The following RNF6 variants were observed in gnomAD, a reference collection of about 807,000 sequenced individuals.
RNF6 encodes the protein E3 ubiquitin-protein ligase RNF6.
In RNF6, 21 loss-of-function variants were observed where a neutral mutation model predicts 50.1. That is an observed-to-expected ratio of 0.42 (90% confidence interval 0.30 to 0.60). The LOEUF (loss-of-function observed/expected upper bound fraction) is 0.60. Ranked by LOEUF, RNF6 falls within the 20% of genes least tolerant of loss-of-function variation. The probability of loss-of-function intolerance (pLI) is 0.20; values close to 1 mark genes in which losing one functional copy is unlikely to be tolerated. For synonymous variants in RNF6, 255 were observed against 291.8 expected (o/e 0.87, Z 1.29); for missense variants, 698 against 838.2 (o/e 0.83, Z 2.07).
chr13:26,148,648 A>C (rs1401499657), intron 5 of RNF6, among the ~76,000 whole-genome samples: 42 of 127,540 alleles, frequency 3.3e-4, no homozygotes, highest in African/African-American at 1.2e-3. Flanking sequence ...ATATATATAT[A>C]TATATATATA....
chr13:26,139,217 C>T (rs866368510), intron 5 of RNF6, among the ~76,000 whole-genome samples: 1 of 152,082 alleles, frequency 6.6e-6, no homozygotes, highest in Admixed American at 6.6e-5. Context: ...ATTTCCCTAC[C>T]CTAAATCATC....
At chr13:26,156,079 G>T (rs1871909099) in intron 5 of RNF6, among the ~76,000 whole-genome samples, 1 of 152,152 alleles carries the variant, frequency 6.6e-6, no homozygotes, top group Non-Finnish European at 1.5e-5. Context: ...AGAAAACATA[G>T]AATGGATCAA....
At chr13:26,167,333 A>G (rs1483153971) in intron 5 of RNF6, among the ~76,000 whole-genome samples, 1 of 152,228 alleles carries the variant, frequency 6.6e-6, no homozygotes, top group Non-Finnish European at 1.5e-5. Flanking sequence ...CAGCATCTAT[A>G]AGGAACTTAA....
chr13:26,201,302 A>C (rs1026162548), intron 5 of RNF6, among the ~76,000 whole-genome samples: 1 of 152,214 alleles, frequency 6.6e-6, no homozygotes, highest in Non-Finnish European at 1.5e-5. Flanking sequence ...CACATGACCC[A>C]TGGGAGCCAG....
chr13:26,164,833 A>G (rs887908331), intron 5 of RNF6, among the ~76,000 whole-genome samples: 28 of 152,154 alleles, frequency 1.8e-4, no homozygotes, highest in African/African-American at 6.8e-4. Context: ...GCTGTTAAAG[A>G]CATTCAGTTT....
chr13:26,182,683 T>G (rs537241327), intron 5 of RNF6, among the ~76,000 whole-genome samples: 2 of 152,120 alleles, frequency 1.3e-5, no homozygotes, highest in Non-Finnish European at 2.9e-5. Context: ...CACACACCTG[T>G]AGTCCCAGCT....
intron 2 of RNF6, 100 bp downstream of exon 2, chr13:26,221,148 T>C (rs1870443823): frequency 6.6e-6 from 1 of 152,256 alleles, no homozygotes; most frequent in African/African-American, 2.4e-5. Context: ...AGTTGAAGCC[T>C]ATCATAAAAT....
intron 5 of RNF6, among the ~76,000 whole-genome samples, chr13:26,174,176 C>A (rs955930337): frequency 6.6e-6 from 1 of 152,002 alleles, no homozygotes; most frequent in Non-Finnish European, 1.5e-5. Flanking sequence ...TTTATTGTTT[C>A]TCTGGCCATT....
chr13:26,214,986 T>G lies in RNF6; in HGVS notation c.896A>C (p.Glu299Ala), dbSNP rs1373249903. ...GGAAGTAGATCGTAATCTTATTGGC[T>G]CTAATCTTTGGTTTGTATTCCTCAC... ...VTVRNTNQRL[E>A]PIRLRSTSNS... Residue 299 changes from glutamate to alanine, a missense_variant, in exon 5 of 5, where the codon GAG becomes GCG. Coordinates refer to ENST00000381588, the MANE Select transcript of RNF6 (RefSeq NM_005977.4). The G allele has an allele frequency of 6.2e-7, 1 of 1,614,070 alleles. No individual in the cohort carries two copies. The highest frequency in any genetic ancestry group is 8.5e-7 in the Non-Finnish European group (1 of 1,180,038).
chr13:26,182,240 G>A (rs528513323), intron 5 of RNF6, among the ~76,000 whole-genome samples: 12 of 152,126 alleles, frequency 7.9e-5, no homozygotes, highest in Non-Finnish European at 1.8e-4. Context: ...GGTGTTTCAC[G>A]ATCATTCTCA....
chr13:26,140,378 G>A (rs1410622454), intron 5 of RNF6, among the ~76,000 whole-genome samples: 6 of 152,176 alleles, frequency 3.9e-5, no homozygotes, highest in Non-Finnish European at 8.8e-5. Context: ...AAAGGAAAGT[G>A]AGGTACAGAA....
chr13:26,173,154 C>T (rs1204473555), intron 5 of RNF6, among the ~76,000 whole-genome samples: 1 of 152,166 alleles, frequency 6.6e-6, no homozygotes, highest in African/African-American at 2.4e-5. Context: ...CGGATACAAC[C>T]ATTGTAGAGA....
rs151267109 is a variant in RNF6, at chr13:26,157,956, A to AAGATAGAT, written n.769-25513_769-25506dup. 2.9e-3 allele frequency among the ~76,000 whole-genome samples: 421 copies of AAGATAGAT among 146,738 alleles called. 1 individual carries two copies. Among genetic ancestry groups the AAGATAGAT allele is most frequent in the Admixed American group, 5.2e-3 (75 of 14,404 alleles). ...GATAGATGGATGGCTAGCTAGCTAG[A>AAGATAGAT]AGATAGATAGATAGATAGATAGATA... On this transcript the variant is annotated intron_variant and non_coding_transcript_variant, in intron 5 of 5. Coordinates refer to the RNF6 transcript ENST00000468480.
intron 5 of RNF6, among the ~76,000 whole-genome samples, chr13:26,158,515 A>C (rs1337544674): frequency 6.6e-6 from 1 of 152,242 alleles, no homozygotes; most frequent in African/African-American, 2.4e-5. Flanking sequence ...TGGTCTATTT[A>C]TAAATATCTA....
intron 5 of RNF6, among the ~76,000 whole-genome samples, chr13:26,185,919 C>T (rs184805410): frequency 6.6e-6 from 1 of 152,298 alleles, no homozygotes; most frequent in African/African-American, 2.4e-5. Context: ...AGAGAACACA[C>T]ACTATGTCCT....
downstream of RNF6, among the ~76,000 whole-genome samples, chr13:26,210,235 G>A (rs1008790280): frequency 6.6e-6 from 1 of 152,196 alleles, no homozygotes; most frequent in Non-Finnish European, 1.5e-5. Context: ...GAGACCCCAA[G>A]TGAGCCACCT....
chr13:26,203,354 A>G (rs1868967296), intron 5 of RNF6, among the ~76,000 whole-genome samples: 1 of 152,210 alleles, frequency 6.6e-6, no homozygotes, highest in Non-Finnish European at 1.5e-5. Context: ...TAGATAATAG[A>G]TTGCAGGTGG....
In RNF6 at chr13:26,213,095, T is replaced by C. The variant is rs966595694; in HGVS notation, c.*729A>G. 1.3e-5 allele frequency: 2 copies of C among 152,390 alleles called. No individual in the cohort carries two copies. The highest frequency in any genetic ancestry group is 4.9e-5 in the African/African-American group (2 of 41,218). 9.4% of individuals were successfully genotyped at this position (152,390 alleles called of 1,614,324 possible). A position where few individuals can be genotyped will look rare whatever the true frequency, so the allele number is the denominator to read the frequency against. ...TCCATTTCTGAATACTTTTTCAGTA[T>C]TATATATTGCTTGCTGTCTAATAAG... On this transcript the variant is annotated 3_prime_UTR_variant, in exon 5 of 5. Coordinates refer to ENST00000381588, the MANE Select transcript of RNF6 (RefSeq NM_005977.4).
chr13:26,166,898 C>T (rs1017503957), intron 5 of RNF6, among the ~76,000 whole-genome samples: 19 of 152,246 alleles, frequency 1.2e-4, no homozygotes, highest in East Asian at 9.6e-4. Context: ...CCAGCCTGGG[C>T]GACAGAGTGA....
Sources: gnomAD v4.1 joint callset for allele counts (sites outside exome capture counted in the v4.1 genomes callset) on GRCh38, gnomAD v4.1.1 for gene constraint, MANE v1.5 for transcripts, NCBI Gene and HGNC (gene_info 2026-07-23, HGNC 2026-07-21) for gene names.